AKAP13: variants seen among roughly 807,000 people sequenced by gnomAD.
The protein encoded by AKAP13 is A-kinase anchor protein 13.
AKAP13 carries 80 observed loss-of-function variants against 264.5 expected under a neutral mutation model. The ratio of observed to expected loss-of-function variants is 0.30; its 90% CI spans 0.25 to 0.36. AKAP13 has a LOEUF of 0.36. AKAP13 is among the 10% of genes least tolerant of loss of function. The pLI is 1.00. For missense variants in AKAP13, 3,712 were observed against 3,435.2 expected, an observed-to-expected ratio of 1.08 and a Z score of -2.01; for synonymous variants, 1,380 against 1,250.2, an observed-to-expected ratio of 1.10 and a Z score of -2.19.
intron 1 of AKAP13, among the ~76,000 whole-genome samples, chr15:85,430,309 C>T (rs2072970009): frequency 6.6e-6 from 1 of 152,184 alleles, no homozygotes; most frequent in Non-Finnish European, 1.5e-5. Flanking sequence ...TTACTGGCTC[C>T]TACTTTCAAG....
chr15:85,481,999 C>T (rs1284619689), intron 1 of AKAP13, among the ~76,000 whole-genome samples: 1 of 152,180 alleles, frequency 6.6e-6, no homozygotes, highest in Non-Finnish European at 1.5e-5. Context: ...CTTGGTCTTT[C>T]AGTAGGTTTA....
Position 85,397,109 on chromosome 15 carries a change from T to C in AKAP13, c.-12+16311T>C, listed in dbSNP as rs367974130. On this transcript the variant is annotated intron_variant, in intron 1 of 36. Transcript: ENST00000394518. ...GACTTTTGTGAAAGAAAATACTTTTTAAGGTAATTGAATACCTCCATAAAT... is the reference window on the plus strand; with the variant it reads ...GACTTTTGTGAAAGAAAATACTTTTCAAGGTAATTGAATACCTCCATAAAT... 1.5e-4 allele frequency among the ~76,000 whole-genome samples: 22 copies of C among 151,052 alleles called. No individual in the cohort carries two copies. The East Asian group carries it at 3.7e-3, about 25-fold the overall frequency.
At chr15:85,663,950 G>A (rs542095986) in intron 12 of AKAP13, among the ~76,000 whole-genome samples, 1 of 152,178 alleles carries the variant, frequency 6.6e-6, no homozygotes, top group Non-Finnish European at 1.5e-5. Flanking sequence ...GGTGTTATAT[G>A]TGCCTGTTGC....
At chr15:85,472,768 A>G (rs1328297882) in intron 1 of AKAP13, among the ~76,000 whole-genome samples, 4 of 152,246 alleles carry the variant, frequency 2.6e-5, no homozygotes, top group Non-Finnish European at 5.9e-5. Flanking sequence ...GGTTGTCATG[A>G]AAAATACAGA....
chr15:85,666,719 C>A (rs1703674290), intron 13 of AKAP13, among the ~76,000 whole-genome samples: 1 of 152,046 alleles, frequency 6.6e-6, no homozygotes, highest in Non-Finnish European at 1.5e-5. Flanking sequence ...TGGCCTTTGC[C>A]TTCTCTTTAT....
chr15:85,674,548 T>C (rs1180000054), intron 14 of AKAP13, among the ~76,000 whole-genome samples: 22 of 152,244 alleles, frequency 1.4e-4, no homozygotes, highest in Non-Finnish European at 2.9e-5. Context: ...CCTTTGCTTA[T>C]GGCATGTGAG....
intron 1 of AKAP13, among the ~76,000 whole-genome samples, chr15:85,413,691 C>T (rs569793345): frequency 6.6e-6 from 1 of 152,270 alleles, no homozygotes; most frequent in African/African-American, 2.4e-5. Context: ...CAGCTCCGGA[C>T]GGTGAGATCG....
intron 14 of AKAP13, chr15:85,671,007 G>A (rs562679470): frequency 6.6e-6 from 1 of 151,876 alleles, no homozygotes; most frequent in South Asian, 2.1e-4. Flanking sequence ...TTGCTGTGTG[G>A]GATCTGGATA....
At chr15:85,424,229 T>A (rs1254447293) in intron 1 of AKAP13, among the ~76,000 whole-genome samples, 1 of 152,252 alleles carries the variant, frequency 6.6e-6, no homozygotes, top group African/African-American at 2.4e-5. Flanking sequence ...CTAGATGGTG[T>A]CTTCTTCCAG....
intron 30 of AKAP13, among the ~76,000 whole-genome samples, chr15:85,733,410 A>G (rs1343038421): frequency 1.3e-5 from 2 of 152,204 alleles, no homozygotes; most frequent in African/African-American, 4.8e-5. Context: ...TCTAAGTACA[A>G]GTAGTTTTAC....
chr15:85,467,793 G>T (rs563727239), intron 1 of AKAP13, among the ~76,000 whole-genome samples: 2 of 152,300 alleles, frequency 1.3e-5, no homozygotes, highest in East Asian at 1.9e-4. Context: ...GACATTTCAG[G>T]GGTTGATATT....
At chr15:85,602,339 C>A (rs2080122238) in intron 8 of AKAP13, among the ~76,000 whole-genome samples, 1 of 151,898 alleles carries the variant, frequency 6.6e-6, no homozygotes, top group Non-Finnish European at 1.5e-5. Flanking sequence ...CCATGCCCAG[C>A]TAATTTTTGT....
intron 27 of AKAP13, 85 bp downstream of exon 27, chr15:85,726,571 C>A: frequency 8.6e-7 from 1 of 1,161,218 alleles, no homozygotes; most frequent in Non-Finnish European, 1.2e-6. Context: ...TGCTCTCCCC[C>A]GCCCTCTTAA....
intron 19 of AKAP13, among the ~76,000 whole-genome samples, chr15:85,711,084 C>T (rs57700267): frequency 1.0e-3 from 158 of 152,016 alleles, no homozygotes; most frequent in African/African-American, 3.6e-3. Context: ...AGCACAATCT[C>T]GGCTCACTGC....
intron 33 of AKAP13, 48 bp from the exon 34 acceptor site, chr15:85,740,174 G>A: frequency 6.2e-7 from 1 of 1,604,270 alleles, no homozygotes; most frequent in South Asian, 1.1e-5. Flanking sequence ...TGGATTCTGA[G>A]ATTCATAAAG....
chr15:85,449,973 A>G (rs966547987), intron 1 of AKAP13, among the ~76,000 whole-genome samples: 3 of 152,054 alleles, frequency 2.0e-5, no homozygotes, highest in African/African-American at 7.2e-5. Context: ...AATTTTTTGT[A>G]ATAGTTTCTG....
intron 8 of AKAP13, among the ~76,000 whole-genome samples, chr15:85,626,132 T>G (rs1044568798): frequency 6.6e-6 from 1 of 152,232 alleles, no homozygotes; most frequent in African/African-American, 2.4e-5. Context: ...TGACCATGAT[T>G]GGTAGTGTCT....
intron 5 of AKAP13, among the ~76,000 whole-genome samples, chr15:85,552,826 A>AGGAT (rs888253841): frequency 7.9e-5 from 12 of 151,884 alleles, no homozygotes; most frequent in Non-Finnish European, 1.5e-5. Flanking sequence ...CGTGTTAGCC[A>AGGAT]GGATGGATTT....
At chr15:85,470,483 A>G in intron 1 of AKAP13, among the ~76,000 whole-genome samples, 1 of 152,242 alleles carries the variant, frequency 6.6e-6, no homozygotes, top group East Asian at 1.9e-4. Context: ...ACATGTTTAA[A>G]ACAGTAGCAT....
Sources: gnomAD v4.1 joint callset for allele counts (sites outside exome capture counted in the v4.1 genomes callset) on GRCh38, gnomAD v4.1.1 for gene constraint, MANE v1.5 for transcripts, NCBI Gene and HGNC (gene_info 2026-07-23, HGNC 2026-07-21) for gene names.